The following EPHX2 variants were observed in gnomAD, a reference collection of about 807,000 sequenced individuals.
EPHX2 encodes the protein bifunctional epoxide hydrolase 2.
EPHX2 carries 74 observed loss-of-function variants against 78.7 expected under a neutral mutation model. The observed-to-expected ratio is 0.94, with a 90% confidence interval of 0.78 to 1.14. EPHX2 has a LOEUF of 1.14. Ranked by LOEUF, EPHX2 falls within the 50% of genes most tolerant of loss-of-function variation. The probability of loss-of-function intolerance (pLI) is 0.00; values close to 1 mark genes in which losing one functional copy is unlikely to be tolerated. For missense variants in EPHX2, 715 were observed against 702.5 expected, an observed-to-expected ratio of 1.02 and a Z score of -0.20; for synonymous variants, 251 against 255.2, an observed-to-expected ratio of 0.98 and a Z score of 0.16.
chr8:27,506,814 C>T (rs1814022706), intron 4 of EPHX2, 58 bp from the exon 5 acceptor site: 1 of 1,584,638 alleles, frequency 6.3e-7, no homozygotes, highest in African/African-American at 1.4e-5. Context: ...TAAAATAGCC[C>T]CTGTTTGCAT....
intron 14 of EPHX2, 148 bp from the exon 15 acceptor site, chr8:27,540,406 C>G: frequency 1.6e-6 from 1 of 644,194 alleles, no homozygotes; most frequent in East Asian, 2.8e-5. Flanking sequence ...TGGGATCACT[C>G]TGGCAAAGGA....
intron 12 of EPHX2, among the ~76,000 whole-genome samples, chr8:27,526,498 A>G (rs1183251697): frequency 6.6e-6 from 1 of 152,162 alleles, no homozygotes; most frequent in East Asian, 1.9e-4. Context: ...TTAGTGTGAG[A>G]TAGTCTCGAT....
At chr8:27,499,033 G>A (rs2132711513) in intron 1 of EPHX2, among the ~76,000 whole-genome samples, 1 of 152,296 alleles carries the variant, frequency 6.6e-6, no homozygotes, top group Admixed American at 6.5e-5. Context: ...GGGACTCTCT[G>A]CAGAGTCTCA....
At chr8:27,498,429 A>C (rs1813651454) in intron 1 of EPHX2, among the ~76,000 whole-genome samples, 1 of 151,588 alleles carries the variant, frequency 6.6e-6, no homozygotes, top group African/African-American at 2.4e-5. Context: ...TTTTTTAATG[A>C]CCACCTGCCC....
chr8:27,517,946 T>A, intron 8 of EPHX2, 92 bp from the exon 9 acceptor site: 1 of 970,620 alleles, frequency 1.0e-6, no homozygotes. Context: ...TGTTGTTTGG[T>A]TTTTGGTTTT....
intron 2 of EPHX2, among the ~76,000 whole-genome samples, chr8:27,502,018 C>CT (rs2132718122): frequency 6.6e-6 from 1 of 152,304 alleles, no homozygotes; most frequent in Admixed American, 6.5e-5. Flanking sequence ...TTTTCACACA[C>CT]TAAGTATACT....
At chr8:27,509,654 C>T (rs1050766055) in intron 5 of EPHX2, among the ~76,000 whole-genome samples, 7 of 152,120 alleles carry the variant, frequency 4.6e-5, no homozygotes, top group Non-Finnish European at 8.8e-5. Flanking sequence ...GCGAGGTTTA[C>T]AGGCGTGAGC....
chr8:27,540,977 A>G (rs529303603), intron 15 of EPHX2, among the ~76,000 whole-genome samples: 2 of 152,316 alleles, frequency 1.3e-5, no homozygotes, highest in East Asian at 3.9e-4. Context: ...AAAACATAAA[A>G]ATCCACATAA....
chr8:27,500,808 G>T lies in EPHX2; in HGVS notation c.102-118G>T, dbSNP rs988176391. On this transcript the variant is annotated intron_variant, in intron 1 of 18. Transcript: ENST00000521400. ...ATTTGAACTGCGTTTGCATTTTCCA[G>T]TTCCTGGCAGTATCCCTTTCTAGTG... The T allele has an allele frequency of 7.6e-6, 7 of 922,964 alleles. No homozygotes were observed. The Admixed American group carries it at 1.1e-4, about 15-fold the overall frequency. 57.2% of individuals were successfully genotyped at this position (922,964 alleles called of 1,614,324 possible).
chr8:27,546,683 A>G (rs1815581928), downstream of EPHX2, among the ~76,000 whole-genome samples: 1 of 152,200 alleles, frequency 6.6e-6, no homozygotes, highest in South Asian at 2.1e-4. Flanking sequence ...CTATCCAGTC[A>G]TCTCCATCAG....
chr8:27,507,100 G>T, intron 5 of EPHX2, 106 bp downstream of exon 5: 1 of 1,443,596 alleles, frequency 6.9e-7, no homozygotes, highest in South Asian at 1.4e-5. Flanking sequence ...GTCCATGAAT[G>T]ACTCCTGGGC....
At position 27,534,938 on chromosome 8, in the gene EPHX2, A is replaced by G. The variant is rs535039260; in HGVS notation, c.1171-1846A>G. 1.4e-4 allele frequency among the ~76,000 whole-genome samples: 21 copies of G among 152,300 alleles called. 1 individual carries two copies. The highest frequency in any genetic ancestry group is 5.1e-4 in the African/African-American group (21 of 41,576). ...GTTTGGGTCCGGTGTTGAAGGCCAA[A>G]CTAATAGAAGTCCATGCTCTTGGTG... On this transcript the variant is annotated intron_variant, in intron 12 of 18. Transcript: ENST00000521400.
At chr8:27,532,966 T>A (rs1399971820) in intron 12 of EPHX2, among the ~76,000 whole-genome samples, 6 of 151,780 alleles carry the variant, frequency 4.0e-5, no homozygotes. Flanking sequence ...GTTTTAAAAG[T>A]TAGCCAGGCA....
chr8:27,523,051 A>G (rs1190951257), intron 11 of EPHX2, among the ~76,000 whole-genome samples: 9 of 151,824 alleles, frequency 5.9e-5, no homozygotes, highest in Admixed American at 2.0e-4. Context: ...TGGGACAAAT[A>G]ATTCAGGGCC....
At chr8:27,523,095 C>A (rs1814708182) in intron 11 of EPHX2, among the ~76,000 whole-genome samples, 1 of 151,728 alleles carries the variant, frequency 6.6e-6, no homozygotes, top group Non-Finnish European at 1.5e-5. Flanking sequence ...AGGATCCTGA[C>A]TTGAGCTTGA....
At chr8:27,515,174 G>A (rs772402858) in intron 6 of EPHX2, among the ~76,000 whole-genome samples, 1 of 151,788 alleles carries the variant, frequency 6.6e-6, no homozygotes, top group African/African-American at 2.4e-5. Context: ...CTCTGGCCTT[G>A]CAGAGAGTCC....
chr8:27,500,526 A>G (rs952533946), intron 1 of EPHX2, among the ~76,000 whole-genome samples: 1 of 151,750 alleles, frequency 6.6e-6, no homozygotes, highest in East Asian at 1.9e-4. Flanking sequence ...TCGAAACCAC[A>G]AAAAACATAT....
intron 2 of EPHX2, among the ~76,000 whole-genome samples, chr8:27,501,367 TTC>T (rs1491196842): frequency 1.5e-5 from 2 of 133,160 alleles, no homozygotes; most frequent in African/African-American, 5.9e-5. Flanking sequence ...CTTCTTCTTC[TTC>T]TTCTTCTTCT....
At chr8:27,505,544 C>T (rs1041322962) in intron 4 of EPHX2, among the ~76,000 whole-genome samples, 4 of 152,218 alleles carry the variant, frequency 2.6e-5, no homozygotes, top group Non-Finnish European at 5.9e-5. Flanking sequence ...CACCAGACAC[C>T]CTGTGCCCTG....
Sources: allele counts gnomAD v4.1 joint callset (sites outside exome capture counted in the v4.1 genomes callset), GRCh38; gene constraint gnomAD v4.1.1; transcripts MANE v1.5; gene names NCBI Gene and HGNC (gene_info 2026-07-23, HGNC 2026-07-21).